FSTL4: variants seen among roughly 807,000 people sequenced by gnomAD.
FSTL4 encodes follistatin like 4, also known as follistatin-related protein 4.
In FSTL4, 28 loss-of-function variants were observed where a neutral mutation model predicts 78.2. That is an observed-to-expected ratio of 0.36 (90% CI 0.27 to 0.49). The LOEUF is 0.49. Among genes scored for constraint, FSTL4 ranks in the 20% least tolerant of loss-of-function variants. The pLI is 0.98. For missense variants in FSTL4, 922 were observed against 1,084.9 expected, an observed-to-expected ratio of 0.85 and a Z score of 2.11; for synonymous variants, 422 against 440.5, an observed-to-expected ratio of 0.96 and a Z score of 0.53.
chr5:133,463,886 G>T (rs1409618394), intron 3 of FSTL4, among the ~76,000 whole-genome samples: 1 of 152,244 alleles, frequency 6.6e-6, no homozygotes, highest in East Asian at 1.9e-4. Context: ...AAGTTAGGTG[G>T]AGGCTGGGGA....
At chr5:133,575,924 C>T (rs1356578044) in intron 2 of FSTL4, among the ~76,000 whole-genome samples, 1 of 152,192 alleles carries the variant, frequency 6.6e-6, no homozygotes, top group Non-Finnish European at 1.5e-5. Flanking sequence ...ACGAGTTTGA[C>T]AGCCAAATCA....
At chr5:133,503,398 G>A (rs1345825888) in intron 3 of FSTL4, among the ~76,000 whole-genome samples, 2 of 152,176 alleles carry the variant, frequency 1.3e-5, no homozygotes, top group African/African-American at 2.4e-5. Flanking sequence ...CAAAATTCCT[G>A]CAAATTTAAC....
intron 6 of FSTL4, among the ~76,000 whole-genome samples, chr5:133,281,140 C>A (rs1261646366): frequency 6.6e-6 from 1 of 152,132 alleles, no homozygotes; most frequent in East Asian, 1.9e-4. Flanking sequence ...TTGCTTTTGT[C>A]CTGCCCCTTC....
At chr5:133,604,559 A>C (rs1225027845) in intron 1 of FSTL4, among the ~76,000 whole-genome samples, 1 of 152,148 alleles carries the variant, frequency 6.6e-6, no homozygotes, top group Non-Finnish European at 1.5e-5. Flanking sequence ...ACATACAAAA[A>C]TTAGCTGGGC....
At chr5:133,253,068 T>G (rs553638455) in intron 6 of FSTL4, among the ~76,000 whole-genome samples, 17 of 152,206 alleles carry the variant, frequency 1.1e-4, no homozygotes, top group Admixed American at 1.1e-3. Flanking sequence ...ATTAAATGAA[T>G]GTTTTATTGG....
intron 2 of FSTL4, among the ~76,000 whole-genome samples, chr5:133,591,706 G>T (rs1760630637): frequency 6.6e-6 from 1 of 152,120 alleles, no homozygotes; most frequent in African/African-American, 2.4e-5. Context: ...GGGGCCCAGA[G>T]CTGCAGCAAG....
At chr5:133,752,597 G>A in the FSTL4 span, among the ~76,000 whole-genome samples, 433 of 152,058 alleles carry the variant, frequency 2.8e-3, 3 homozygotes, top group African/African-American at 0.01. Context: ...GCGACAGAGC[G>A]AGGCTCTGTC....
intron 6 of FSTL4, chr5:133,275,933 A>G (rs941428783): frequency 2.6e-5 from 4 of 152,244 alleles, no homozygotes; most frequent in Non-Finnish European, 5.9e-5. Context: ...CAGGAAAACA[A>G]TAACACTTTG....
chr5:133,683,306 GAAAT>G, the FSTL4 span, among the ~76,000 whole-genome samples: 1 of 152,172 alleles, frequency 6.6e-6, no homozygotes, highest in African/African-American at 2.4e-5. Flanking sequence ...ATTAATTGCA[GAAAT>G]AAATAAAATT....
chr5:133,486,738 G>C (rs1758145745), intron 3 of FSTL4, among the ~76,000 whole-genome samples: 1 of 152,134 alleles, frequency 6.6e-6, no homozygotes, highest in Non-Finnish European at 1.5e-5. Context: ...TCTCACAGGG[G>C]TCAGTGATCC....
At chr5:133,824,352 T>G in the FSTL4 span, among the ~76,000 whole-genome samples, 1 of 152,152 alleles carries the variant, frequency 6.6e-6, no homozygotes, top group Non-Finnish European at 1.5e-5. Flanking sequence ...GGGAAACGCT[T>G]TACTTACATT....
chr5:133,511,403 C>T (rs459934), intron 3 of FSTL4, among the ~76,000 whole-genome samples: 40,549 of 152,056 alleles, frequency 0.27, 6,290 homozygotes, highest in African/African-American at 0.44. Context: ...CTGTCAACCA[C>T]GATCCTTACC....
intron 2 of FSTL4, among the ~76,000 whole-genome samples, chr5:133,595,489 T>C (rs1156824199): frequency 6.6e-6 from 1 of 152,222 alleles, no homozygotes; most frequent in Non-Finnish European, 1.5e-5. Context: ...ACACTGAGGA[T>C]ATGGGGCCCA....
At chr5:133,385,974 A>G (rs1280477621) in intron 4 of FSTL4, among the ~76,000 whole-genome samples, 1 of 152,206 alleles carries the variant, frequency 6.6e-6, no homozygotes, top group African/African-American at 2.4e-5. Flanking sequence ...GTGGCAGAGC[A>G]GACAGAGCAA....
chr5:133,559,523 C>T (rs1759868839), intron 3 of FSTL4, among the ~76,000 whole-genome samples: 2 of 152,162 alleles, frequency 1.3e-5, no homozygotes, highest in South Asian at 4.1e-4. Context: ...TGGCTGACAC[C>T]ATCCTGTCTT....
intron 3 of FSTL4, among the ~76,000 whole-genome samples, chr5:133,446,003 A>C (rs1188182055): frequency 6.6e-6 from 1 of 152,202 alleles, no homozygotes. Context: ...TGGTTTATAA[A>C]CTCAAGGGCT....
intron 8 of FSTL4, among the ~76,000 whole-genome samples, chr5:133,227,062 CA>C: frequency 6.6e-6 from 1 of 152,260 alleles, no homozygotes; most frequent in African/African-American, 2.4e-5. Flanking sequence ...CTGTGGGACA[CA>C]GTTGGAGGCA....
the FSTL4 span, among the ~76,000 whole-genome samples, chr5:133,747,870 G>A: frequency 6.6e-6 from 1 of 152,052 alleles, no homozygotes; most frequent in Non-Finnish European, 1.5e-5. Flanking sequence ...GGTGATGGGT[G>A]GGGATCAAAT....
chr5:133,696,825 C>T, the FSTL4 span, among the ~76,000 whole-genome samples: 1 of 152,170 alleles, frequency 6.6e-6, no homozygotes, highest in African/African-American at 2.4e-5. Context: ...TGTGCATGCT[C>T]TTGTGTAGAT....
Sources: allele counts gnomAD v4.1 joint callset (sites outside exome capture counted in the v4.1 genomes callset), GRCh38; gene constraint gnomAD v4.1.1; transcripts MANE v1.5; gene names NCBI Gene and HGNC (gene_info 2026-07-23, HGNC 2026-07-21).